MSH3: variants seen among roughly 807,000 people sequenced by gnomAD.
The protein encoded by MSH3 is DNA mismatch repair protein Msh3.
A neutral mutation model predicts 123.3 loss-of-function variants in MSH3; 106 were observed. That is an observed-to-expected ratio of 0.86 (90% CI 0.73 to 1.01). The LOEUF (loss-of-function observed/expected upper bound fraction) is 1.01, where lower values mean the gene tolerates loss of function less well. MSH3 is among the 50% of genes least tolerant of loss of function. MSH3 has a pLI of 0.00. For missense variants in MSH3, 1,459 were observed against 1,347.6 expected (o/e 1.08, Z -1.29); for synonymous variants, 515 against 481.4 (o/e 1.07, Z -0.91).
chr5:80,782,524 G>A (rs1026050061), intron 17 of MSH3, among the ~76,000 whole-genome samples: 6 of 152,158 alleles, frequency 3.9e-5, no homozygotes, highest in Non-Finnish European at 1.5e-5. Flanking sequence ...AGGGATTTGA[G>A]CATGTTGGAT....
At position 80,665,060 on chromosome 5, in the gene MSH3, T is replaced by C; in HGVS notation, c.359-83T>C. ...TTGCTTTATTGGGAATCTACCTCTTTAAAAAATTCTATGCTGGTTATGAAT... is the reference window on the plus strand; with the variant it reads ...TTGCTTTATTGGGAATCTACCTCTTCAAAAAATTCTATGCTGGTTATGAAT... On this transcript the variant is annotated intron_variant, in intron 2 of 23. Coordinates refer to ENST00000265081, the MANE Select transcript of MSH3 (RefSeq NM_002439.5). 4.8e-6 allele frequency: 5 copies of C among 1,040,194 alleles called. No homozygotes were observed. In the Admixed American group the frequency reaches 9.3e-5, roughly 19 times the overall value. The allele number at this position is 1,040,194 out of a possible 1,614,324, so 64.4% of individuals were successfully genotyped here. A position where few individuals can be genotyped will look rare whatever the true frequency, so the allele number is the denominator to read the frequency against.
chr5:80,727,533 C>T (rs571432068), intron 9 of MSH3, among the ~76,000 whole-genome samples: 1 of 152,228 alleles, frequency 6.6e-6, no homozygotes, highest in African/African-American at 2.4e-5. Context: ...GCTTATATGT[C>T]GGAGGGGTTA....
chr5:80,709,578 C>A (rs1014535223), intron 8 of MSH3, among the ~76,000 whole-genome samples: 1 of 151,946 alleles, frequency 6.6e-6, no homozygotes, highest in East Asian at 1.9e-4. Context: ...GCTGAGATCA[C>A]GTGAGATCGC....
chr5:80,794,988 A>G (rs1429055179), intron 19 of MSH3, among the ~76,000 whole-genome samples: 3 of 152,188 alleles, frequency 2.0e-5, no homozygotes, highest in Admixed American at 6.5e-5. Flanking sequence ...ATTTTAGTGT[A>G]TGAAGGAAAT....
At chr5:80,874,325 A>T (rs1746270976) in intron 23 of MSH3, among the ~76,000 whole-genome samples, 1 of 152,144 alleles carries the variant, frequency 6.6e-6, no homozygotes, top group Non-Finnish European at 1.5e-5. Context: ...ACTTCGGTAT[A>T]CTGTAGTTCA....
At chr5:80,806,223 C>G (rs1439779331) in intron 19 of MSH3, among the ~76,000 whole-genome samples, 1 of 152,152 alleles carries the variant, frequency 6.6e-6, no homozygotes, top group Non-Finnish European at 1.5e-5. Context: ...CTCAGCCTCC[C>G]AAGTAGCTGG....
At chr5:80,784,093 C>T (rs1744456420) in intron 17 of MSH3, among the ~76,000 whole-genome samples, 1 of 151,288 alleles carries the variant, frequency 6.6e-6, no homozygotes, top group Non-Finnish European at 1.5e-5. Flanking sequence ...GCCTATAATC[C>T]CAGCTACTCT....
rs2112857932 is a variant in MSH3, at chr5:80,728,940, T to C, written c.1543T>C (p.Leu515=). The change falls in exon 10 of 24, where the codon TTG becomes CTG. Residue 515 remains leucine (L), a synonymous_variant. Transcript: ENST00000265081. ...AIIKYLKEFN[L]EKMLSKPENF... is the part of the protein sequence containing the mutation. ...CATAAAATACCTCAAAGAATTCAAC[T>C]TGGAAAAGATGCTCTCCAAACCTGA... 2 of 1,606,700 alleles carry C rather than the reference T, an allele frequency of 1.2e-6. No individual in the cohort carries two copies. The highest frequency in any genetic ancestry group is 1.7e-6 in the Non-Finnish European group (2 of 1,173,448).
At chr5:80,824,926 A>G (rs1745267177) in intron 20 of MSH3, among the ~76,000 whole-genome samples, 1 of 152,148 alleles carries the variant, frequency 6.6e-6, no homozygotes, top group South Asian at 2.1e-4. Flanking sequence ...GCCCTTTAGT[A>G]TATGGGACAT....
In MSH3 at chr5:80,654,887, G is replaced by C. The variant is rs530525176; in HGVS notation, c.160G>C (p.Ala54Pro). The C allele has an allele frequency of 1.2e-6, 1 of 853,792 alleles. No homozygotes were observed. Among genetic ancestry groups the C allele is most frequent in the Non-Finnish European group, 1.6e-6 (1 of 621,018 alleles). The allele number at this position is 853,792 out of a possible 1,614,324, so 52.9% of individuals were successfully genotyped here. ...CCAGGTGGACCCTGGCGCTGCAGCG[G>C]CTGCAGCGGCCGCAGCGGCCGCAGC... ...ADQVDPGAAA[A>P]AAAAAAAAPP... Residue 54 changes from alanine to proline, a missense_variant, in exon 1 of 24, where the codon GCT (alanine) becomes CCT (proline). Coordinates refer to ENST00000265081, the MANE Select transcript of MSH3 (RefSeq NM_002439.5).
intron 20 of MSH3, among the ~76,000 whole-genome samples, chr5:80,841,534 G>A (rs190047291): frequency 2.0e-5 from 3 of 152,298 alleles, no homozygotes; most frequent in Admixed American, 6.5e-5. Flanking sequence ...GTGTAAAAGC[G>A]TTTCTGTTTC....
At chr5:80,873,369 G>A in intron 23 of MSH3, 82 bp downstream of exon 23, 1 of 1,386,660 alleles carries the variant, frequency 7.2e-7, no homozygotes, top group Non-Finnish European at 1.0e-6. Context: ...TCCTAAAAAT[G>A]AACATCAGGT....
chr5:80,747,416 C>T (rs1743742410), intron 12 of MSH3, among the ~76,000 whole-genome samples: 1 of 152,146 alleles, frequency 6.6e-6, no homozygotes, highest in South Asian at 2.1e-4. Flanking sequence ...AGGCATTCAA[C>T]ACTGATGTTT....
chr5:80,682,045 T>A (rs1057177904), intron 8 of MSH3, among the ~76,000 whole-genome samples: 14 of 152,240 alleles, frequency 9.2e-5, no homozygotes, highest in Non-Finnish European at 1.6e-4. Flanking sequence ...TTTTTTTGTA[T>A]CCTTTGATCA....
chr5:80,774,814 G>A (rs977332229), intron 15 of MSH3, among the ~76,000 whole-genome samples: 5 of 152,136 alleles, frequency 3.3e-5, no homozygotes, highest in African/African-American at 1.2e-4. Context: ...CCAGAAACTG[G>A]TAGTGGTAGT....
At chr5:80,722,839 T>C (rs1751110925) in intron 8 of MSH3, among the ~76,000 whole-genome samples, 1 of 152,198 alleles carries the variant, frequency 6.6e-6, no homozygotes, top group African/African-American at 2.4e-5. Flanking sequence ...GCGCAATGGC[T>C]CACGCCCATA....
intron 8 of MSH3, among the ~76,000 whole-genome samples, chr5:80,708,941 A>G (rs1217771794): frequency 6.6e-6 from 1 of 151,614 alleles, no homozygotes; most frequent in Non-Finnish European, 1.5e-5. Context: ...TGTCTGGCTA[A>G]TTTTTGTATT....
chr5:80,676,036 A>T (rs956840869), intron 7 of MSH3, among the ~76,000 whole-genome samples: 1 of 152,098 alleles, frequency 6.6e-6, no homozygotes, highest in Non-Finnish European at 1.5e-5. Flanking sequence ...AGTTTTATTT[A>T]TTTATTTCTT....
At chr5:80,668,037 C>T (rs1033128565) in intron 3 of MSH3, among the ~76,000 whole-genome samples, 1 of 152,148 alleles carries the variant, frequency 6.6e-6, no homozygotes, top group Admixed American at 6.5e-5. Flanking sequence ...CCTTGAGTGA[C>T]AGAACATTGA....
Sources: allele counts gnomAD v4.1 joint callset (sites outside exome capture counted in the v4.1 genomes callset), GRCh38; gene constraint gnomAD v4.1.1; transcripts MANE v1.5; gene names NCBI Gene and HGNC (gene_info 2026-07-23, HGNC 2026-07-21).